The following P2RX7 variants were observed in gnomAD, a reference collection of about 807,000 sequenced individuals.
P2RX7 encodes the protein purinergic receptor P2X 7.
In P2RX7, 62 loss-of-function variants were observed where a neutral mutation model predicts 71.6. The observed-to-expected ratio is 0.87, with a 90% CI of 0.71 to 1.07. P2RX7 has a LOEUF of 1.07. Ranked by LOEUF, P2RX7 falls within the 50% of genes least tolerant of loss-of-function variation. P2RX7 has a pLI of 0.00. For missense variants in P2RX7, 686 were observed against 748.5 expected (o/e 0.92, Z 0.97); for synonymous variants, 299 against 283.3 (o/e 1.06, Z -0.56).
chr12:121,145,816 C>G (rs1876064739), intron 1 of P2RX7, among the ~76,000 whole-genome samples: 1 of 151,974 alleles, frequency 6.6e-6, no homozygotes, highest in Admixed American at 6.6e-5. Context: ...TGGTGACTCA[C>G]TCTTTCAAGG....
At chr12:121,181,225 G>T (rs941740909) in intron 12 of P2RX7, among the ~76,000 whole-genome samples, 1 of 152,188 alleles carries the variant, frequency 6.6e-6, no homozygotes, top group Non-Finnish European at 1.5e-5. Context: ...TTTTGTGAGA[G>T]TTGTTCATGA....
chr12:121,167,017 A>C (rs1178373793), intron 7 of P2RX7, among the ~76,000 whole-genome samples: 1 of 149,778 alleles, frequency 6.7e-6, no homozygotes, highest in Non-Finnish European at 1.5e-5. Context: ...GCACCACTGC[A>C]CTCCAGCCTA....
intron 8 of P2RX7, among the ~76,000 whole-genome samples, chr12:121,171,664 G>T (rs79322483): frequency 1.4e-3 from 212 of 152,014 alleles, no homozygotes; most frequent in African/African-American, 4.8e-3. Flanking sequence ...CCATTCCAGT[G>T]TACGAAAAAC....
chr12:121,173,807 T>C (rs1593127174), intron 8 of P2RX7, among the ~76,000 whole-genome samples: 1 of 152,062 alleles, frequency 6.6e-6, no homozygotes, highest in Non-Finnish European at 1.5e-5. Flanking sequence ...AAGGAGGTGG[T>C]TGAGGGATTG....
chr12:121,150,198 ACT>A (rs1216938202), intron 1 of P2RX7, among the ~76,000 whole-genome samples: 9 of 152,186 alleles, frequency 5.9e-5, no homozygotes, highest in African/African-American at 2.2e-4. Context: ...AAGTGTGCAA[ACT>A]CGCTTTCATT....
At position 121,132,981 on chromosome 12, in the gene P2RX7, G is replaced by A. The variant is rs747222111; in HGVS notation, c.11G>A (p.Cys4Tyr). 1.2e-6 allele frequency: 2 copies of A among 1,613,884 alleles called. No individual in the cohort carries two copies. The highest frequency in any genetic ancestry group is 1.7e-6 in the Non-Finnish European group (2 of 1,180,010). Reference sequence around the variant, plus strand: ...AGGGAGGCTGTCACCATGCCGGCCTGCTGCAGCTGCAGTGATGTTTTCCAG... The same window carrying A: ...AGGGAGGCTGTCACCATGCCGGCCTACTGCAGCTGCAGTGATGTTTTCCAG... The part of the protein sequence containing the change: MPA[C>Y]CSCSDVFQYE... Residue 4 changes from cysteine to tyrosine, a missense_variant, in exon 1 of 13, where the codon TGC becomes TAC. Transcript: ENST00000328963.
At chr12:121,175,232 G>T (rs1236621380) in intron 8 of P2RX7, among the ~76,000 whole-genome samples, 156 bp from the exon 9 acceptor site, 1 of 144,196 alleles carries the variant, frequency 6.9e-6, no homozygotes, top group East Asian at 2.0e-4. Context: ...AATCATCTGA[G>T]CCTAGCAAGT....
chr12:121,166,923 G>A (rs140031782), intron 7 of P2RX7, among the ~76,000 whole-genome samples: 3,639 of 151,472 alleles, frequency 0.024, 59 homozygotes, highest in Non-Finnish European at 0.034. Flanking sequence ...ATGATTGCAG[G>A]CTCCTGTAAT....
At chr12:121,148,887 C>G (rs908785355) in intron 1 of P2RX7, 1 of 336,070 alleles carries the variant, frequency 3.0e-6, no homozygotes, top group Non-Finnish European at 5.8e-6. Flanking sequence ...CCTGGCGCTA[C>G]TGTTCTTTAG....
chr12:121,179,035 G>A (rs1235139089), intron 11 of P2RX7, among the ~76,000 whole-genome samples: 6 of 151,966 alleles, frequency 3.9e-5, no homozygotes, highest in African/African-American at 1.5e-4. Flanking sequence ...ACACAAAATT[G>A]TACCAGTGGC....
intron 1 of P2RX7, among the ~76,000 whole-genome samples, chr12:121,142,143 G>A (rs935637616): frequency 2.4e-4 from 37 of 152,170 alleles, no homozygotes; most frequent in African/African-American, 8.9e-4. Context: ...GGTGTCTGAG[G>A]CTGTATTAGT....
In P2RX7 at chr12:121,133,081, C is replaced by T. The variant is rs774187062; in HGVS notation, c.111C>T (p.Ile37=). 2 of 1,614,194 alleles carry T rather than the reference C, an allele frequency of 1.2e-6. No homozygotes were observed. The highest frequency in any genetic ancestry group is 1.7e-6 in the Non-Finnish European group (2 of 1,180,008). ...GTIKWFFHVI[I]FSYVCFALVS... is the part of the protein sequence containing the mutation. ...TTAAGTGGTTCTTCCACGTGATCAT[C>T]TTTTCCTACGTTTGGTAAGTGGGAT... The change falls in exon 1 of 13, where the codon ATC becomes ATT. Residue 37 remains isoleucine, a synonymous_variant. Transcript: ENST00000328963.
At chr12:121,140,742 G>A (rs965955387) in intron 1 of P2RX7, among the ~76,000 whole-genome samples, 5 of 152,044 alleles carry the variant, frequency 3.3e-5, no homozygotes, top group African/African-American at 4.8e-5. Context: ...CTGCACCCTC[G>A]CCTGGGTGAC....
rs957819576 is a variant in P2RX7 at position 121,154,585 on chromosome 12, C to T, written c.126-200C>T. Among the ~76,000 whole-genome samples, 7 of 152,130 alleles carry T rather than the reference C, an allele frequency of 4.6e-5. No homozygotes were observed. Among genetic ancestry groups the T allele is most frequent in the Non-Finnish European group, 7.4e-5 (5 of 68,020 alleles). ...GATACTGGGCAAAGGAGTCTGCAGA[C>T]GTCTCTCATTTCATCCTCACAATCC... On this transcript the variant is annotated intron_variant, in intron 1 of 12. Coordinates refer to ENST00000328963, the MANE Select transcript of P2RX7 (RefSeq NM_002562.6). The surrounding 1 kb of genome is among the most constrained non-coding windows in gnomAD (Gnocchi z 4.2).
intron 8 of P2RX7, among the ~76,000 whole-genome samples, chr12:121,170,044 G>C (rs1312929497): frequency 1.3e-5 from 2 of 152,148 alleles, no homozygotes; most frequent in Non-Finnish European, 2.9e-5. Flanking sequence ...CATCTGCCTG[G>C]CCCCTGTGTA....
chr12:121,161,092 A>C (rs1593072285), intron 4 of P2RX7, 118 bp downstream of exon 4: 4 of 800,948 alleles, frequency 5.0e-6, no homozygotes, highest in East Asian at 2.5e-5. Flanking sequence ...TTCCACCATC[A>C]CCAAGCCATA....
At chr12:121,142,381 A>C (rs1875102356) in intron 1 of P2RX7, among the ~76,000 whole-genome samples, 1 of 152,188 alleles carries the variant, frequency 6.6e-6, no homozygotes, top group Non-Finnish European at 1.5e-5. Context: ...ATTCCCTGCC[A>C]CATGGTCCTC....
At chr12:121,138,071 G>T (rs1565935645) in intron 1 of P2RX7, among the ~76,000 whole-genome samples, 1 of 152,078 alleles carries the variant, frequency 6.6e-6, no homozygotes, top group Non-Finnish European at 1.5e-5. Flanking sequence ...TGCTAAGCAG[G>T]TCTGTGTCAG....
intron 5 of P2RX7, among the ~76,000 whole-genome samples, chr12:121,163,610 TAG>T (rs2136081426): frequency 1.1e-5 from 1 of 88,830 alleles, no homozygotes; most frequent in South Asian, 3.1e-4. Context: ...GATAGATAGA[TAG>T]ATAGATAGAT....
Sources: gnomAD v4.1 joint callset for allele counts (sites outside exome capture counted in the v4.1 genomes callset) on GRCh38, gnomAD v4.1.1 for gene constraint, Gnocchi (gnomAD v3.1) non-coding constraint, MANE v1.5 for transcripts, NCBI Gene and HGNC (gene_info 2026-07-23, HGNC 2026-07-21) for gene names.